TMEFF2: variants seen among roughly 807,000 people sequenced by gnomAD.
TMEFF2 encodes tomoregulin-2.
TMEFF2 carries 28 observed loss-of-function variants against 53.8 expected under a neutral mutation model. That is an observed-to-expected ratio of 0.52 (90% CI 0.39 to 0.71). The LOEUF is 0.71. TMEFF2 is among the 30% of genes least tolerant of loss of function. The probability of loss-of-function intolerance (pLI) is 0.00; values close to 1 mark genes in which losing one functional copy is unlikely to be tolerated. For missense variants in TMEFF2, 353 were observed against 455.2 expected (o/e 0.78, Z 2.04); for synonymous variants, 162 against 166.3 (o/e 0.97, Z 0.20).
In TMEFF2 at chr2:191,950,081, T is replaced by C; in HGVS notation, c.*230A>G. The C allele has an allele frequency of 7.9e-7, 1 of 1,262,546 alleles. No homozygotes were observed. The highest frequency in any genetic ancestry group is 1.0e-6 in the Non-Finnish European group (1 of 994,626). 78.2% of individuals were successfully genotyped at this position (1,262,546 alleles called of 1,614,324 possible). A position where few individuals can be genotyped will look rare whatever the true frequency, so the allele number is the denominator to read the frequency against. On this transcript the variant is annotated 3_prime_UTR_variant, in exon 10 of 10. Transcript: ENST00000272771. ...ACATGGGAAAGAAAAAACTATATTG[T>C]GTGATATAAATAGTTTATTTACATT...
intron 7 of TMEFF2, among the ~76,000 whole-genome samples, chr2:191,969,026 G>A (rs1692547366): frequency 6.6e-6 from 1 of 151,826 alleles, no homozygotes; most frequent in African/African-American, 2.4e-5. Context: ...AGAAAGTTTT[G>A]CACTAGATTA....
chr2:192,003,547 C>T (rs1686418532), intron 5 of TMEFF2, among the ~76,000 whole-genome samples: 1 of 152,210 alleles, frequency 6.6e-6, no homozygotes, highest in African/African-American at 2.4e-5. Context: ...TTTTGTGCAT[C>T]ACTGGGATAT....
intron 7 of TMEFF2, among the ~76,000 whole-genome samples, chr2:191,968,554 C>T (rs953401046): frequency 6.6e-6 from 1 of 152,140 alleles, no homozygotes; most frequent in African/African-American, 2.4e-5. Flanking sequence ...CCAGAGTTTC[C>T]TGAGGGGAGC....
intron 4 of TMEFF2, among the ~76,000 whole-genome samples, chr2:192,100,391 G>T (rs940119506): frequency 6.6e-6 from 1 of 152,106 alleles, no homozygotes; most frequent in African/African-American, 2.4e-5. Flanking sequence ...CACTGTGACC[G>T]AAGTCTTCTA....
At chr2:192,139,280 T>G (rs1574408567) in intron 4 of TMEFF2, among the ~76,000 whole-genome samples, 1 of 152,244 alleles carries the variant, frequency 6.6e-6, no homozygotes, top group Non-Finnish European at 1.5e-5. Flanking sequence ...TTAAAAGTGA[T>G]GAATATAATC....
At chr2:192,180,116 C>A (rs1691149564) in intron 3 of TMEFF2, among the ~76,000 whole-genome samples, 2 of 151,538 alleles carry the variant, frequency 1.3e-5, no homozygotes, top group Non-Finnish European at 1.5e-5. Flanking sequence ...TTGCAAATTG[C>A]ATATGAACAA....
intron 2 of TMEFF2, among the ~76,000 whole-genome samples, chr2:192,187,706 AT>A (rs1469528863): frequency 1.3e-5 from 2 of 152,186 alleles, no homozygotes; most frequent in East Asian, 3.9e-4. Flanking sequence ...CTATTTTTCT[AT>A]GTTTTAAAAA....
At chr2:192,004,647 TA>T (rs1686455028) in intron 5 of TMEFF2, among the ~76,000 whole-genome samples, 2 of 151,900 alleles carry the variant, frequency 1.3e-5, no homozygotes, top group East Asian at 1.9e-4. Flanking sequence ...TTTTGAAGAT[TA>T]AAAAAGAAAA....
chr2:192,143,847 T>G (rs568047086), intron 4 of TMEFF2, among the ~76,000 whole-genome samples: 1 of 152,284 alleles, frequency 6.6e-6, no homozygotes, highest in South Asian at 2.1e-4. Context: ...ATATTTTTAA[T>G]AGTTACTTTT....
At chr2:192,037,313 G>C (rs927924281) in intron 5 of TMEFF2, among the ~76,000 whole-genome samples, 1 of 147,204 alleles carries the variant, frequency 6.8e-6, no homozygotes, top group Non-Finnish European at 1.5e-5. Flanking sequence ...AAGAAAGAAA[G>C]AAAGAAAGAA....
chr2:192,053,023 A>AT (rs1307654941), intron 5 of TMEFF2, among the ~76,000 whole-genome samples: 2 of 152,114 alleles, frequency 1.3e-5, no homozygotes, highest in African/African-American at 2.4e-5. Context: ...AAATTTTCTG[A>AT]TTTTTTACAG....
chr2:192,073,525 A>G (rs769393379), intron 4 of TMEFF2, among the ~76,000 whole-genome samples: 7 of 151,946 alleles, frequency 4.6e-5, no homozygotes, highest in Non-Finnish European at 8.8e-5. Flanking sequence ...AATAAAAACC[A>G]GCCTCAGAAC....
intron 4 of TMEFF2, among the ~76,000 whole-genome samples, chr2:192,134,710 C>A (rs1403464015): frequency 1.3e-5 from 2 of 152,178 alleles, no homozygotes; most frequent in Non-Finnish European, 2.9e-5. Flanking sequence ...TAAGTAGACA[C>A]TTTCACTAGA....
chr2:192,188,239 ACT>A (rs1691363546), intron 2 of TMEFF2, among the ~76,000 whole-genome samples: 1 of 152,250 alleles, frequency 6.6e-6, no homozygotes. Flanking sequence ...GGTGGAAATG[ACT>A]CTGTGTGCCT....
chr2:192,152,685 TA>T (rs1235901083), intron 4 of TMEFF2, among the ~76,000 whole-genome samples: 1 of 151,928 alleles, frequency 6.6e-6, no homozygotes, highest in Admixed American at 6.6e-5. Flanking sequence ...AAAAGACAAT[TA>T]TTTAATCAAC....
intron 4 of TMEFF2, among the ~76,000 whole-genome samples, chr2:192,076,082 A>G (rs1688425805): frequency 6.6e-6 from 1 of 152,108 alleles, no homozygotes. Flanking sequence ...GCCACACATT[A>G]CTTGGCACAG....
At chr2:192,178,164 T>G (rs1181673898) in intron 4 of TMEFF2, 3 of 151,078 alleles carry the variant, frequency 2.0e-5, no homozygotes, top group African/African-American at 7.3e-5. Context: ...AGTCTACATA[T>G]AAAACTAAAC....
chr2:192,001,877 G>A (rs2105839294), intron 5 of TMEFF2, among the ~76,000 whole-genome samples: 1 of 152,226 alleles, frequency 6.6e-6, no homozygotes, highest in East Asian at 1.9e-4. Flanking sequence ...GGTGAAAACA[G>A]ACTAATACAG....
intron 4 of TMEFF2, among the ~76,000 whole-genome samples, chr2:192,172,382 T>C (rs2356958): frequency 1 from 151,969 of 151,970 alleles, 75,984 homozygotes; most frequent in Non-Finnish European, 1. Flanking sequence ...ATGAAAAACA[T>C]AGAGTCTAAG....
Sources: gnomAD v4.1 joint callset for allele counts (sites outside exome capture counted in the v4.1 genomes callset) on GRCh38, gnomAD v4.1.1 for gene constraint, MANE v1.5 for transcripts, NCBI Gene and HGNC (gene_info 2026-07-23, HGNC 2026-07-21) for gene names.